The following DYNC1I1 variants were observed in gnomAD, a reference collection of about 807,000 sequenced individuals.
The protein encoded by DYNC1I1 is dynein cytoplasmic 1 intermediate chain 1, also known as cytoplasmic dynein 1 intermediate chain 1.
DYNC1I1 carries 43 observed loss-of-function variants against 86.6 expected under a neutral mutation model. The ratio of observed to expected loss-of-function variants is 0.50; its 90% CI spans 0.39 to 0.64. The LOEUF (loss-of-function observed/expected upper bound fraction) is 0.64, where lower values mean the gene tolerates loss of function less well. Ranked by LOEUF, DYNC1I1 falls within the 30% of genes least tolerant of loss-of-function variation. The pLI is 0.00. For synonymous variants in DYNC1I1, 262 were observed against 283.7 expected (o/e 0.92, Z 0.77); for missense variants, 604 against 788.8 (o/e 0.77, Z 2.81).
intron 6 of DYNC1I1, among the ~76,000 whole-genome samples, chr7:95,880,905 A>G (rs1355822458): frequency 2.0e-5 from 3 of 151,964 alleles, no homozygotes. Flanking sequence ...TCAGCCTCCC[A>G]TAACTTGCAT....
chr7:95,782,915 T>C (rs565540836), intron 1 of DYNC1I1, among the ~76,000 whole-genome samples: 1 of 152,298 alleles, frequency 6.6e-6, no homozygotes, highest in South Asian at 2.1e-4. Context: ...TGTTCAGATG[T>C]CCCTTCTCTT....
At chr7:95,903,229 A>T (rs183279851) in intron 6 of DYNC1I1, among the ~76,000 whole-genome samples, 1 of 152,232 alleles carries the variant, frequency 6.6e-6, no homozygotes, top group Non-Finnish European at 1.5e-5. Flanking sequence ...GGTGGGAAAT[A>T]AGAACATATT....
chr7:95,984,337 G>A, intron 7 of DYNC1I1, among the ~76,000 whole-genome samples: 1 of 151,986 alleles, frequency 6.6e-6, no homozygotes, highest in East Asian at 1.9e-4. Context: ...AAAATAAAAT[G>A]AATTTATGAA....
At position 96,000,388 on chromosome 7, in the gene DYNC1I1, T is replaced by C. The variant is rs562696125; in HGVS notation, c.969+4315T>C. Reference sequence around the variant, plus strand: ...TGTTACATTGATTATCATACACATTTTGAAGAATAAAATCATGGAAAATTT... The same window carrying C: ...TGTTACATTGATTATCATACACATTCTGAAGAATAAAATCATGGAAAATTT... On this transcript the variant is annotated intron_variant, in intron 10 of 16. Transcript: ENST00000447467. Among the ~76,000 whole-genome samples, 4 of 152,286 alleles carry C rather than the reference T, an allele frequency of 2.6e-5. No homozygotes were observed. In the South Asian group the frequency reaches 8.3e-4, roughly 32 times the overall value.
At chr7:96,085,419 C>T (rs924417375) in intron 16 of DYNC1I1, among the ~76,000 whole-genome samples, 12 of 151,964 alleles carry the variant, frequency 7.9e-5, no homozygotes, top group Non-Finnish European at 1.5e-4. Context: ...TAATATCCCA[C>T]AGCCTATGAC....
intron 5 of DYNC1I1, among the ~76,000 whole-genome samples, chr7:95,847,971 CT>C (rs1789478688): frequency 6.6e-6 from 1 of 152,022 alleles, no homozygotes; most frequent in Non-Finnish European, 1.5e-5. Flanking sequence ...ACCTTTTCTT[CT>C]TTTTTTGACT....
At chr7:95,808,205 G>A (rs998765131) in intron 2 of DYNC1I1, among the ~76,000 whole-genome samples, 5 of 152,040 alleles carry the variant, frequency 3.3e-5, no homozygotes, top group African/African-American at 1.2e-4. Flanking sequence ...ATCAGAAATA[G>A]CTTTAAATAG....
chr7:95,792,028 C>A (rs1794316619), intron 1 of DYNC1I1, among the ~76,000 whole-genome samples: 1 of 152,166 alleles, frequency 6.6e-6, no homozygotes, highest in Non-Finnish European at 1.5e-5. Flanking sequence ...TGAAAATATG[C>A]ACAATATGGA....
intron 6 of DYNC1I1, among the ~76,000 whole-genome samples, chr7:95,912,125 C>T (rs1791352579): frequency 6.6e-6 from 1 of 152,138 alleles, no homozygotes; most frequent in Non-Finnish European, 1.5e-5. Context: ...CAACCTCCAC[C>T]TCCCAGGTTC....
chr7:96,100,716 C>T (rs1199711912), downstream of DYNC1I1, among the ~76,000 whole-genome samples: 2 of 146,412 alleles, frequency 1.4e-5, no homozygotes, highest in African/African-American at 2.5e-5. Flanking sequence ...ACTTTATACT[C>T]TGGCAAGGAG....
At chr7:95,830,530 G>A (rs1277665000) in intron 5 of DYNC1I1, among the ~76,000 whole-genome samples, 4 of 152,182 alleles carry the variant, frequency 2.6e-5, no homozygotes, top group Non-Finnish European at 1.5e-5. Flanking sequence ...TTCAGGTTAA[G>A]TTTATATAAA....
intron 1 of DYNC1I1, among the ~76,000 whole-genome samples, chr7:95,776,393 C>T (rs1037794904): frequency 6.6e-6 from 1 of 152,092 alleles, no homozygotes; most frequent in African/African-American, 2.4e-5. Flanking sequence ...GTTGGAGGAA[C>T]CTTCTTAAAC....
chr7:96,058,056 A>G (rs1789639556), intron 14 of DYNC1I1, among the ~76,000 whole-genome samples: 1 of 152,168 alleles, frequency 6.6e-6, no homozygotes, highest in South Asian at 2.1e-4. Flanking sequence ...TCTTCTGTCC[A>G]ATCAAATGTA....
intron 14 of DYNC1I1, among the ~76,000 whole-genome samples, chr7:96,065,378 C>CTTTTTTTTTTTTTT (rs34423655): frequency 7.8e-6 from 1 of 127,584 alleles, no homozygotes; most frequent in East Asian, 2.3e-4. Flanking sequence ...TTCTTTCTTT[C>CTTTTTTTTTTTTTT]TTTTTTTTTT....
intron 6 of DYNC1I1, among the ~76,000 whole-genome samples, chr7:95,883,591 A>G (rs1167779522): frequency 1.3e-5 from 2 of 152,230 alleles, no homozygotes; most frequent in East Asian, 3.8e-4. Context: ...TGTTTACACT[A>G]ACTAATGTAT....
chr7:96,095,488 T>G (rs1216164522), intron 16 of DYNC1I1, among the ~76,000 whole-genome samples: 1 of 152,180 alleles, frequency 6.6e-6, no homozygotes, highest in South Asian at 2.1e-4. Context: ...CTCAGCTCTT[T>G]ATGAGCAAGG....
At chr7:95,909,243 T>TGGGGGGGG (rs55986463) in intron 6 of DYNC1I1, among the ~76,000 whole-genome samples, 1 of 40,378 alleles carries the variant, frequency 2.5e-5, no homozygotes, top group Non-Finnish European at 4.3e-5. Context: ...GGGAGGGGGG[T>TGGGGGGGG]GGGGGGGGGG....
chr7:96,075,608 C>T (rs970035428), intron 14 of DYNC1I1, among the ~76,000 whole-genome samples: 57 of 152,184 alleles, frequency 3.7e-4, no homozygotes, highest in African/African-American at 1.4e-3. Flanking sequence ...ACGAGGACCA[C>T]GAGGTGGCAG....
At chr7:95,803,002 G>T (rs3779479) in intron 1 of DYNC1I1, among the ~76,000 whole-genome samples, 1 of 152,044 alleles carries the variant, frequency 6.6e-6, no homozygotes, top group South Asian at 2.1e-4. Flanking sequence ...ACCAAACCTT[G>T]GTTAGCATTT....
Sources: allele counts gnomAD v4.1 joint callset (sites outside exome capture counted in the v4.1 genomes callset), GRCh38; gene constraint gnomAD v4.1.1; transcripts MANE v1.5; gene names NCBI Gene and HGNC (gene_info 2026-07-23, HGNC 2026-07-21).